The following FAM177A1 variants were observed in gnomAD, a reference collection of about 807,000 sequenced individuals.
FAM177A1 encodes family with sequence similarity 177 member A1.
In FAM177A1, 22 loss-of-function variants were observed where a neutral mutation model predicts 26.1. The observed-to-expected ratio is 0.84, with a 90% CI of 0.60 to 1.20. The LOEUF (loss-of-function observed/expected upper bound fraction) is 1.20, where lower values mean the gene tolerates loss of function less well. Ranked by LOEUF, FAM177A1 falls within the 50% of genes most tolerant of loss-of-function variation. The pLI is 0.00. For missense variants in FAM177A1, 296 were observed against 291.1 expected (o/e 1.02, Z -0.12); for synonymous variants, 95 against 99.3 (o/e 0.96, Z 0.26).
chr14:35,058,942 TTTTC>T (rs933046871), intron 2 of FAM177A1, among the ~76,000 whole-genome samples: 18 of 152,048 alleles, frequency 1.2e-4, no homozygotes, highest in African/African-American at 4.3e-4. Context: ...CTTTTTTTTG[TTTTC>T]TTTTTTTTTG....
chr14:35,080,389 A>G (rs1018681057), intron 4 of FAM177A1, among the ~76,000 whole-genome samples: 2 of 152,236 alleles, frequency 1.3e-5, no homozygotes, highest in African/African-American at 2.4e-5. Context: ...GAAGTGATAC[A>G]GTTGAAGCTA....
chr14:35,063,011 T>C (rs1595046446), intron 2 of FAM177A1, among the ~76,000 whole-genome samples: 1 of 149,224 alleles, frequency 6.7e-6, no homozygotes, highest in Non-Finnish European at 1.5e-5. Flanking sequence ...TCGGGTGCGG[T>C]GGACCACGCC....
intron 2 of FAM177A1, chr14:35,055,053 G>A (rs1212280522): frequency 6.6e-6 from 1 of 152,002 alleles, no homozygotes; most frequent in Non-Finnish European, 1.5e-5. Flanking sequence ...TATAATCGCA[G>A]CACTTTGGGA....
rs531218608 is a variant in FAM177A1 at position 35,074,160 on chromosome 14, T to G, written c.340-2990T>G. On this transcript the variant is annotated intron_variant, in intron 2 of 4. Coordinates refer to ENST00000280987, the MANE Select transcript of FAM177A1 (RefSeq NM_173607.5). ...AAAGGGAGTTTATTTATTTATTTTT[T>G]GTGAGACAGGGTCTCCCTCTGTTGC... 5.4e-4 allele frequency among the ~76,000 whole-genome samples: 82 copies of G among 152,314 alleles called. 1 individual carries two copies. Among genetic ancestry groups the G allele is most frequent in the Admixed American group, 1.9e-3 (29 of 15,294 alleles).
Position 35,046,338 on chromosome 14 carries a change from G to T in FAM177A1, c.-126G>T, listed in dbSNP as rs2044860867. 2.6e-6 allele frequency: 3 copies of T among 1,174,066 alleles called. No individual in the cohort carries two copies. The allele number at this position is 1,174,066 out of a possible 1,614,324, so 72.7% of individuals were successfully genotyped here. ...GCTAGGCGAGGCGCGGGCTGGCCCCGCCCCTCAGGCCGGCGAGTCCCCTTC... is the reference window on the plus strand; with the variant it reads ...GCTAGGCGAGGCGCGGGCTGGCCCCTCCCCTCAGGCCGGCGAGTCCCCTTC... On this transcript the variant is annotated 5_prime_UTR_variant, in exon 1 of 5. Coordinates refer to ENST00000280987, the MANE Select transcript of FAM177A1 (RefSeq NM_173607.5).
intron 1 of FAM177A1, among the ~76,000 whole-genome samples, chr14:35,049,495 G>C (rs1459426661): frequency 6.6e-6 from 1 of 152,080 alleles, no homozygotes; most frequent in African/African-American, 2.4e-5. Context: ...ATTAAAACCA[G>C]ATCCTGAGCT....
chr14:35,081,303 G>A lies in FAM177A1; in HGVS notation c.*75G>A. ...CAAAAACTTTCACATTCTTTATTCAGTGGGACTTAATACAATTATTTATAT... is the reference window on the plus strand; with the variant it reads ...CAAAAACTTTCACATTCTTTATTCAATGGGACTTAATACAATTATTTATAT... On this transcript the variant is annotated 3_prime_UTR_variant, in exon 5 of 5. Coordinates refer to ENST00000280987, the MANE Select transcript of FAM177A1 (RefSeq NM_173607.5). 1 of 1,340,718 alleles carries A rather than the reference G, an allele frequency of 7.5e-7. No individual in the cohort carries two copies. Among genetic ancestry groups the A allele is most frequent in the Non-Finnish European group, 1.0e-6 (1 of 985,462 alleles). The allele number at this position is 1,340,718 out of a possible 1,614,324, so 83.1% of individuals were successfully genotyped here.
chr14:35,080,153 T>C (rs2045457431), intron 4 of FAM177A1, among the ~76,000 whole-genome samples: 1 of 152,186 alleles, frequency 6.6e-6, no homozygotes, highest in South Asian at 2.1e-4. Flanking sequence ...ACCTACTCAA[T>C]GAATTTAGTA....
At chr14:35,046,746 T>C (rs2044872813) in intron 1 of FAM177A1, 118 bp downstream of exon 1, 1 of 1,413,598 alleles carries the variant, frequency 7.1e-7, no homozygotes. Flanking sequence ...AGCTTTGGAG[T>C]TCCTCCTCAC....
At chr14:35,076,668 A>G (rs894354054) in intron 2 of FAM177A1, among the ~76,000 whole-genome samples, 2 of 152,282 alleles carry the variant, frequency 1.3e-5, no homozygotes, top group Middle Eastern at 3.4e-3. Flanking sequence ...TCCCACCATT[A>G]AAAGCTCATT....
chr14:35,046,520 G>A lies in FAM177A1; in HGVS notation c.57G>A (p.Val19=), dbSNP rs970599792. 1 of 1,603,724 alleles carries A rather than the reference G, an allele frequency of 6.2e-7. No homozygotes were observed. The highest frequency in any genetic ancestry group is 1.3e-5 in the African/African-American group (1 of 74,434). The stretch of plus-strand genomic sequence containing the variant: ...TTCTCACCAGCGCCAGCAGCCCTGT[G>A]GTGGCGACGACGATGGACCAGGAGC... ...TLFLTSASSP[V]VATTMDQEPV... is the part of the protein sequence containing the mutation. Residue 19 remains valine (V), a synonymous_variant, in exon 1 of 5, where the codon GTG becomes GTA. Coordinates refer to ENST00000280987, the MANE Select transcript of FAM177A1 (RefSeq NM_173607.5).
chr14:35,076,734 A>C (rs898550928), intron 2 of FAM177A1, among the ~76,000 whole-genome samples: 31 of 152,098 alleles, frequency 2.0e-4, no homozygotes, highest in African/African-American at 7.5e-4. Flanking sequence ...TCCCTGCTAT[A>C]GCATAAGTAT....
chr14:35,074,399 C>T (rs1481649839), intron 2 of FAM177A1, among the ~76,000 whole-genome samples: 1 of 152,156 alleles, frequency 6.6e-6, no homozygotes, highest in African/African-American at 2.4e-5. Flanking sequence ...AATCTCGGCT[C>T]ACTGCAACCT....
At chr14:35,060,506 GT>G (rs2045135173) in intron 2 of FAM177A1, among the ~76,000 whole-genome samples, 1 of 150,732 alleles carries the variant, frequency 6.6e-6, no homozygotes, top group Admixed American at 6.6e-5. Flanking sequence ...ATACTTTTCT[GT>G]TTCTTTGCAT....
chr14:35,049,217 GCTTCTCTGAATAGA>G (rs778982481), intron 1 of FAM177A1, among the ~76,000 whole-genome samples: 1 of 152,124 alleles, frequency 6.6e-6, no homozygotes, highest in African/African-American at 2.4e-5. Context: ...CTATCCAGCA[GCTTCTCTGAATAGA>G]CTTTTAACCA....
rs1279308825 is a variant in FAM177A1, at chr14:35,081,836, T to A, written c.*608T>A. ...TTTTTAATGCAAGCCACTTACTTAA[T>A]CTTGTATTCTTTTTCAGGACTCAAA... On this transcript the variant is annotated 3_prime_UTR_variant, in exon 5 of 5. Coordinates refer to ENST00000280987, the MANE Select transcript of FAM177A1 (RefSeq NM_173607.5). The A allele has an allele frequency of 1.3e-5, 2 of 152,260 alleles. No individual in the cohort carries two copies. The highest frequency in any genetic ancestry group is 2.4e-5 in the African/African-American group (1 of 41,456). 9.4% of individuals were successfully genotyped at this position (152,260 alleles called of 1,614,324 possible). A position where few individuals can be genotyped will look rare whatever the true frequency, so the allele number is the denominator to read the frequency against.
At chr14:35,079,684 G>A (rs2045450023) in intron 4 of FAM177A1, among the ~76,000 whole-genome samples, 1 of 151,856 alleles carries the variant, frequency 6.6e-6, no homozygotes, top group Non-Finnish European at 1.5e-5. Context: ...CATGCTCGGG[G>A]GCTGCTCTAC....
chr14:35,071,380 T>G (rs561240671), intron 2 of FAM177A1, among the ~76,000 whole-genome samples: 78 of 152,286 alleles, frequency 5.1e-4, no homozygotes, highest in African/African-American at 1.7e-3. Context: ...GAAAAGGTAG[T>G]AGGTCTTAAT....
Position 35,059,348 on chromosome 14 carries a change from T to G in FAM177A1, c.339+5897T>G, listed in dbSNP as rs188416976. Reference sequence around the variant, plus strand: ...GCATATAGTTGGATCTTGTTTTTTTTAATCCAATCTAACAATCTCTGCCCT... The same window carrying G: ...GCATATAGTTGGATCTTGTTTTTTTGAATCCAATCTAACAATCTCTGCCCT... On this transcript the variant is annotated intron_variant, in intron 2 of 4. Transcript: ENST00000280987. Among the ~76,000 whole-genome samples the G allele has an allele frequency of 4.4e-3, 663 of 152,308 alleles. 9 individuals are homozygous for G. The highest frequency in any genetic ancestry group is 0.015 in the African/African-American group (624 of 41,560).
Sources: allele counts gnomAD v4.1 joint callset (sites outside exome capture counted in the v4.1 genomes callset), GRCh38; gene constraint gnomAD v4.1.1; transcripts MANE v1.5; gene names NCBI Gene and HGNC (gene_info 2026-07-23, HGNC 2026-07-21).